The following SNX29 variants were observed in gnomAD, a reference collection of about 807,000 sequenced individuals.
SNX29 encodes the protein sorting nexin-29.
SNX29 carries 78 observed loss-of-function variants against 102.1 expected under a neutral mutation model. The observed-to-expected ratio is 0.76, with a 90% CI of 0.64 to 0.92. SNX29 has a LOEUF of 0.92. Ranked by LOEUF, SNX29 falls within the 40% of genes least tolerant of loss-of-function variation. The pLI is 0.00. For missense variants in SNX29, 1,280 were observed against 1,061.7 expected (o/e 1.21, Z -2.86); for synonymous variants, 580 against 414.5 (o/e 1.40, Z -4.85).
chr16:12,398,724 T>C (rs540941941), intron 17 of SNX29, among the ~76,000 whole-genome samples: 2 of 152,290 alleles, frequency 1.3e-5, no homozygotes, highest in East Asian at 3.9e-4. Flanking sequence ...TTTTTTTTTT[T>C]TTTGGCTGAC....
chr16:12,538,714 A>C (rs1040618952), intron 20 of SNX29, among the ~76,000 whole-genome samples: 2 of 152,168 alleles, frequency 1.3e-5, no homozygotes, highest in African/African-American at 4.8e-5. Context: ...GGGCATGTAC[A>C]TCAGGGAGCA....
chr16:12,371,533 T>G (rs1312392446), intron 16 of SNX29, among the ~76,000 whole-genome samples: 2 of 152,204 alleles, frequency 1.3e-5, no homozygotes, highest in African/African-American at 4.8e-5. Context: ...GTCTCGAACT[T>G]CTGGGCTCAA....
intron 18 of SNX29, among the ~76,000 whole-genome samples, chr16:12,436,051 G>A (rs993555227): frequency 3.3e-5 from 5 of 152,220 alleles, no homozygotes; most frequent in African/African-American, 1.2e-4. Flanking sequence ...TTGTGGGGGC[G>A]GGTGTCAATG....
At chr16:12,534,671 T>C (rs1375944091) in intron 20 of SNX29, among the ~76,000 whole-genome samples, 2 of 152,210 alleles carry the variant, frequency 1.3e-5, no homozygotes, top group African/African-American at 4.8e-5. Flanking sequence ...AGACGGGCTG[T>C]CGGAGGATCT....
intron 1 of SNX29, among the ~76,000 whole-genome samples, chr16:11,998,197 G>T (rs1449938723): frequency 6.6e-6 from 1 of 152,226 alleles, no homozygotes; most frequent in Non-Finnish European, 1.5e-5. Flanking sequence ...AACGCCTGCA[G>T]TGTGGAGCGT....
At chr16:12,394,668 G>A (rs974050351) in intron 16 of SNX29, among the ~76,000 whole-genome samples, 1 of 152,188 alleles carries the variant, frequency 6.6e-6, no homozygotes, top group East Asian at 1.9e-4. Flanking sequence ...CTTCAGATGG[G>A]ATTATTGATC....
chr16:12,117,881 G>A (rs1293684357), intron 11 of SNX29, among the ~76,000 whole-genome samples: 1 of 152,054 alleles, frequency 6.6e-6, no homozygotes, highest in Non-Finnish European at 1.5e-5. Context: ...GGATCACAAG[G>A]TCAGGAGATT....
intron 13 of SNX29, among the ~76,000 whole-genome samples, chr16:12,166,105 T>C (rs569910603): frequency 1.3e-4 from 20 of 152,354 alleles, no homozygotes; most frequent in African/African-American, 4.3e-4. Context: ...GCCGTTATCG[T>C]AATAATAGTA....
chr16:12,532,291 T>G (rs187508328), intron 20 of SNX29, among the ~76,000 whole-genome samples: 225 of 152,346 alleles, frequency 1.5e-3, no homozygotes, highest in Non-Finnish European at 2.6e-3. Context: ...GTCCTTAAAT[T>G]GGCATTCTGG....
intron 20 of SNX29, among the ~76,000 whole-genome samples, chr16:12,536,736 G>C (rs1046251694): frequency 1.3e-5 from 2 of 152,184 alleles, no homozygotes; most frequent in African/African-American, 4.8e-5. Flanking sequence ...TCAACACTTT[G>C]GGAGGTCAAG....
At chr16:12,153,307 G>T (rs993731177) in intron 13 of SNX29, among the ~76,000 whole-genome samples, 1 of 151,932 alleles carries the variant, frequency 6.6e-6, no homozygotes, top group Non-Finnish European at 1.5e-5. Flanking sequence ...TGTACAGAGG[G>T]TCATGACATC....
chr16:12,201,500 G>T (rs908345589), intron 14 of SNX29, among the ~76,000 whole-genome samples: 2 of 152,144 alleles, frequency 1.3e-5, no homozygotes, highest in African/African-American at 2.4e-5. Flanking sequence ...GAGCTTAAGG[G>T]GCTGGTATAT....
In SNX29 at chr16:12,571,553, C is replaced by A. The variant is rs2079188069; in HGVS notation, c.*2924C>A. 5.1e-6 allele frequency: 5 copies of A among 975,558 alleles called. No homozygotes were observed. The highest frequency in any genetic ancestry group is 5.1e-5 in the East Asian group (1 of 19,496). 60.4% of individuals were successfully genotyped at this position (975,558 alleles called of 1,614,324 possible). ...ACCACCCTTTGCTGGGAGGAAGAAT[C>A]CACACCGAATCCTTCTGTCTTCATG... On this transcript the variant is annotated 3_prime_UTR_variant, in exon 21 of 21. Transcript: ENST00000566228.
chr16:12,141,525 T>A (rs1030850066), intron 13 of SNX29, among the ~76,000 whole-genome samples: 1 of 152,238 alleles, frequency 6.6e-6, no homozygotes, highest in African/African-American at 2.4e-5. Context: ...ACCAACTGAC[T>A]TAGAGTACTT....
chr16:11,976,892 C>T (rs1331431644), intron 1 of SNX29, 79 bp downstream of exon 1: 4 of 1,287,956 alleles, frequency 3.1e-6, no homozygotes, highest in Non-Finnish European at 3.9e-6. Flanking sequence ...CCGGCCCCTG[C>T]GTCCTCGCGC....
Position 12,571,467 on chromosome 16 carries a change from C to T in SNX29, c.*2838C>T, listed in dbSNP as rs139104092. On this transcript the variant is annotated 3_prime_UTR_variant, in exon 21 of 21. Transcript: ENST00000566228. The stretch of plus-strand genomic sequence containing the variant: ...CAAACAACATCTGAGAACAGAAGCC[C>T]CCTCCCCTACTCAGAGAGGAACGAG... The T allele has an allele frequency of 4.3e-4, 110 of 253,372 alleles. 1 individual carries two copies. The highest frequency in any genetic ancestry group is 2.1e-3 in the African/African-American group (98 of 45,686). The allele number at this position is 253,372 out of a possible 1,614,324, so 15.7% of individuals were successfully genotyped here.
At chr16:12,372,421 T>C (rs1046592247) in intron 16 of SNX29, 3 of 152,216 alleles carry the variant, frequency 2.0e-5, no homozygotes, top group African/African-American at 7.2e-5. Context: ...TGTCTAATCT[T>C]ATGTTGTTCT....
chr16:12,468,669 G>A (rs1172604841), intron 18 of SNX29, among the ~76,000 whole-genome samples: 2 of 152,170 alleles, frequency 1.3e-5, no homozygotes, highest in African/African-American at 2.4e-5. Flanking sequence ...ATCCTGCCTG[G>A]TTTTGTTCTC....
intron 18 of SNX29, among the ~76,000 whole-genome samples, chr16:12,473,080 A>T (rs966615651): frequency 5.9e-5 from 9 of 152,124 alleles, no homozygotes; most frequent in Non-Finnish European, 1.3e-4. Context: ...GATCGAACTT[A>T]ATTTGGAGGG....
Sources: allele counts gnomAD v4.1 joint callset (sites outside exome capture counted in the v4.1 genomes callset), GRCh38; gene constraint gnomAD v4.1.1; transcripts MANE v1.5; gene names NCBI Gene and HGNC (gene_info 2026-07-23, HGNC 2026-07-21).